The following KAZN variants were observed in gnomAD, a reference collection of about 807,000 sequenced individuals.
KAZN encodes the protein kazrin.
KAZN carries 40 observed loss-of-function variants against 87.4 expected under a neutral mutation model. The ratio of observed to expected loss-of-function variants is 0.46; its 90% confidence interval spans 0.36 to 0.60. The LOEUF (loss-of-function observed/expected upper bound fraction) is 0.60. Among genes scored for constraint, KAZN ranks in the 20% least tolerant of loss-of-function variants. The pLI, the probability that KAZN is intolerant of heterozygous loss-of-function variation, is 0.00. For missense variants in KAZN, 898 were observed against 1,073.9 expected (o/e 0.84, Z 2.29); for synonymous variants, 466 against 458.3 (o/e 1.02, Z -0.22).
intron 2 of KAZN, among the ~76,000 whole-genome samples, chr1:14,230,061 T>G (rs894554443): frequency 6.6e-6 from 1 of 152,266 alleles, no homozygotes; most frequent in Admixed American, 6.5e-5. Flanking sequence ...CATGTGGGTA[T>G]TGAACACTAG....
Position 14,297,477 on chromosome 1 carries a change from A to T in KAZN, c.249+116885A>T, listed in dbSNP as rs148424785. ...CAGCCTCTGCGGTAGAGACAGGCAA[A>T]GGAGAAGAGGGCTGAGAGTGATTTG... On this transcript the variant is annotated intron_variant, in intron 2 of 16. Transcript: ENST00000636203. 3.7e-4 allele frequency among the ~76,000 whole-genome samples: 56 copies of T among 152,284 alleles called. 1 individual carries two copies. The highest frequency in any genetic ancestry group is 1.3e-3 in the African/African-American group (56 of 41,572).
At chr1:13,911,594 T>C (rs1639653571) in intron 1 of KAZN, among the ~76,000 whole-genome samples, 1 of 152,234 alleles carries the variant, frequency 6.6e-6, no homozygotes, top group Admixed American at 6.5e-5. Context: ...TCTCCTGTTT[T>C]CTGATGCTGA....
intron 2 of KAZN, among the ~76,000 whole-genome samples, chr1:14,571,565 C>T (rs1362226964): frequency 6.6e-6 from 1 of 152,310 alleles, no homozygotes; most frequent in Non-Finnish European, 1.5e-5. Context: ...CTGTTTGAAC[C>T]TTGCAAGTGT....
intron 1 of KAZN, among the ~76,000 whole-genome samples, chr1:14,877,975 A>G (rs1652950916): frequency 6.6e-6 from 1 of 152,128 alleles, no homozygotes; most frequent in South Asian, 2.1e-4. Flanking sequence ...TGATGACTCA[A>G]TGATTGTGGA....
chr1:14,762,463 C>T (rs977570771), intron 1 of KAZN, among the ~76,000 whole-genome samples: 5 of 152,058 alleles, frequency 3.3e-5, no homozygotes, highest in South Asian at 2.1e-4. Context: ...CGGTGGCTCA[C>T]GCCAGTAATC....
rs191375355 is a variant in KAZN, at chr1:15,029,511, G to A, written c.419-5238G>A. On this transcript the variant is annotated intron_variant, in intron 2 of 14. Transcript: ENST00000376030. Reference sequence around the variant, plus strand: ...GTTGCACACGCAAAGCCAGGCACACGTACACACACCCCTTGGACTGCCGGA... The same window carrying A: ...GTTGCACACGCAAAGCCAGGCACACATACACACACCCCTTGGACTGCCGGA... 1.6e-4 allele frequency among the ~76,000 whole-genome samples: 25 copies of A among 152,270 alleles called. No individual in the cohort carries two copies. The East Asian group carries it at 3.5e-3, about 21-fold the overall frequency.
intron 13 of KAZN, among the ~76,000 whole-genome samples, chr1:15,110,133 CTGTG>C (rs537887499): frequency 0.035 from 5,070 of 144,954 alleles, 109 homozygotes; most frequent in Middle Eastern, 0.087. Context: ...GTGTATGTGT[CTGTG>C]TATTTGTGTA....
At chr1:14,522,681 C>G (rs977579578) in intron 2 of KAZN, among the ~76,000 whole-genome samples, 1 of 152,200 alleles carries the variant, frequency 6.6e-6, no homozygotes, top group African/African-American at 2.4e-5. Flanking sequence ...TACAGCAACA[C>G]AATAGATAAT....
intron 2 of KAZN, among the ~76,000 whole-genome samples, chr1:14,390,158 A>G (rs376226484): frequency 2.6e-5 from 4 of 152,350 alleles, no homozygotes; most frequent in South Asian, 4.1e-4. Flanking sequence ...AAATTATAGC[A>G]AATTTTAATT....
intron 1 of KAZN, among the ~76,000 whole-genome samples, chr1:14,602,449 C>A (rs904136171): frequency 2.0e-5 from 3 of 152,138 alleles, no homozygotes; most frequent in Non-Finnish European, 4.4e-5. Context: ...GGTGGGGTCA[C>A]GGCAGCCTTT....
At chr1:14,398,005 T>C (rs964807030) in intron 2 of KAZN, among the ~76,000 whole-genome samples, 1 of 152,192 alleles carries the variant, frequency 6.6e-6, no homozygotes, top group Non-Finnish European at 1.5e-5. Flanking sequence ...GCCTAGCCCT[T>C]TCCAGAACAA....
intron 1 of KAZN, among the ~76,000 whole-genome samples, chr1:14,757,036 C>T (rs1373017126): frequency 6.6e-6 from 1 of 152,222 alleles, no homozygotes; most frequent in Non-Finnish European, 1.5e-5. Flanking sequence ...TGTCACACCT[C>T]ATTTGTCTGC....
At chr1:14,420,661 T>A (rs186177394) in intron 2 of KAZN, among the ~76,000 whole-genome samples, 3 of 152,310 alleles carry the variant, frequency 2.0e-5, no homozygotes, top group Non-Finnish European at 4.4e-5. Flanking sequence ...GGGAGGCAGT[T>A]GAGGCCTGGC....
At chr1:14,858,917 T>C (rs1650495987) in intron 1 of KAZN, among the ~76,000 whole-genome samples, 1 of 152,144 alleles carries the variant, frequency 6.6e-6, no homozygotes, top group African/African-American at 2.4e-5. Flanking sequence ...TTTCTCATCT[T>C]CCATGTATTA....
At chr1:14,125,042 C>T (rs1462173948) in intron 1 of KAZN, among the ~76,000 whole-genome samples, 2 of 152,120 alleles carry the variant, frequency 1.3e-5, no homozygotes, top group African/African-American at 4.8e-5. Flanking sequence ...GTAGCAAGAT[C>T]GGATCATCCA....
At chr1:14,241,979 C>T (rs1252973966) in intron 2 of KAZN, among the ~76,000 whole-genome samples, 1 of 152,196 alleles carries the variant, frequency 6.6e-6, no homozygotes, top group East Asian at 1.9e-4. Context: ...AGCAGCTTCA[C>T]AGAAGCCATG....
chr1:14,357,070 T>C (rs1659094945), intron 2 of KAZN, among the ~76,000 whole-genome samples: 2 of 152,136 alleles, frequency 1.3e-5, no homozygotes, highest in South Asian at 2.1e-4. Flanking sequence ...ATGGAATGTT[T>C]TTCCATTTGT....
At chr1:13,985,382 A>C (rs1638962115) in intron 1 of KAZN, among the ~76,000 whole-genome samples, 1 of 151,784 alleles carries the variant, frequency 6.6e-6, no homozygotes, top group African/African-American at 2.4e-5. Flanking sequence ...AGCCATAAAA[A>C]ATGATGAGTT....
intron 2 of KAZN, among the ~76,000 whole-genome samples, chr1:14,998,147 G>A (rs1668086633): frequency 6.6e-6 from 1 of 152,166 alleles, no homozygotes; most frequent in South Asian, 2.1e-4. Flanking sequence ...TGGCACAGAC[G>A]GCGGGGGGGA....
Sources: allele counts gnomAD v4.1 joint callset (sites outside exome capture counted in the v4.1 genomes callset), GRCh38; gene constraint gnomAD v4.1.1; transcripts MANE v1.5; gene names NCBI Gene and HGNC (gene_info 2026-07-23, HGNC 2026-07-21).